Variants in FSHR observed in about 807,000 individuals in gnomAD.
The protein encoded by FSHR is follicle stimulating hormone receptor, also known as follicle-stimulating hormone receptor.
Under a neutral mutation model 52.1 loss-of-function variants are expected in FSHR, and 46 were observed. The ratio of observed to expected loss-of-function variants is 0.88; its 90% CI spans 0.70 to 1.13. The LOEUF is 1.13. Ranked by LOEUF, FSHR falls within the 50% of genes most tolerant of loss-of-function variation. The pLI is 0.00. For synonymous variants in FSHR, 399 were observed against 309.6 expected (o/e 1.29, Z -3.03); for missense variants, 964 against 834.6 (o/e 1.16, Z -1.91).
Position 49,135,270 on chromosome 2 carries a change from G to A in FSHR, c.152+18996C>T, listed in dbSNP as rs1672448343. ...TGAATAGAAATAATACAAAGTATGTGTTCCAACTACAATGAAATGGAATGA... is the reference window on the plus strand; with the variant it reads ...TGAATAGAAATAATACAAAGTATGTATTCCAACTACAATGAAATGGAATGA... On this transcript the variant is annotated intron_variant, in intron 1 of 9. Transcript: ENST00000406846. Among the ~76,000 whole-genome samples the A allele has an allele frequency of 2.0e-5, 3 of 151,906 alleles. No individual in the cohort carries two copies. The South Asian group carries it at 6.2e-4, about 32-fold the overall frequency.
intron 2 of FSHR, among the ~76,000 whole-genome samples, chr2:49,033,842 G>A (rs538722944): frequency 6.6e-6 from 1 of 152,106 alleles, no homozygotes; most frequent in Non-Finnish European, 1.5e-5. Flanking sequence ...CATGAATACA[G>A]GGCACAAAGG....
chr2:49,008,133 C>T (rs533476877), intron 4 of FSHR, among the ~76,000 whole-genome samples: 6 of 143,734 alleles, frequency 4.2e-5, no homozygotes, highest in Admixed American at 2.1e-4. Flanking sequence ...CCCACTAACT[C>T]GTCATCTAGC....
intron 1 of FSHR, among the ~76,000 whole-genome samples, chr2:49,122,329 G>A (rs1448205295): frequency 1.3e-5 from 2 of 152,326 alleles, no homozygotes; most frequent in African/African-American, 4.8e-5. Flanking sequence ...CTAATGCATA[G>A]AGGGGGGATG....
rs772569509 is a variant in FSHR at position 48,983,119 on chromosome 2, T to C, written c.572A>G (p.Asn191Ser). The change falls in exon 7 of 10, where the codon AAT becomes AGT. Residue 191 changes from asparagine (N) to serine (S), a missense_variant. Transcript: ENST00000406846. ...GIQEIHNCAF[N>S]GTQLDELNLS... ...TTACAGCTCATCTAGTTGGGTTCCA[T>C]TGAATGCACAGTTGTGTATTTCTTG... 106 of 1,614,048 alleles carry C rather than the reference T, an allele frequency of 6.6e-5. No individual in the cohort carries two copies. In the South Asian group the frequency reaches 8.7e-4, roughly 13 times the overall value.
intron 1 of FSHR, among the ~76,000 whole-genome samples, chr2:49,087,956 A>G (rs899938607): frequency 2.0e-5 from 3 of 152,222 alleles, no homozygotes; most frequent in Non-Finnish European, 4.4e-5. Flanking sequence ...GGTGGCATTT[A>G]GCACTAGCTG....
At chr2:49,146,741 T>G (rs1192632425) in intron 1 of FSHR, among the ~76,000 whole-genome samples, 1 of 152,062 alleles carries the variant, frequency 6.6e-6, no homozygotes, top group African/African-American at 2.4e-5. Flanking sequence ...CTCAGCGTCA[T>G]TTTACATCAA....
intron 5 of FSHR, 33 bp downstream of exon 5, chr2:48,990,533 A>T (rs751776651): frequency 3.7e-6 from 5 of 1,366,726 alleles, no homozygotes; most frequent in Middle Eastern, 1.8e-4. Context: ...ATACTGAGTA[A>T]AGAGTTGGTA....
chr2:49,031,797 G>C (rs933338431), intron 2 of FSHR, among the ~76,000 whole-genome samples: 1 of 152,154 alleles, frequency 6.6e-6, no homozygotes, highest in Admixed American at 6.5e-5. Context: ...TTGAAATGGG[G>C]ATAATGGTAT....
At chr2:49,057,183 A>C (rs2104316300) in intron 2 of FSHR, among the ~76,000 whole-genome samples, 1 of 152,256 alleles carries the variant, frequency 6.6e-6, no homozygotes, top group South Asian at 2.1e-4. Flanking sequence ...GAAATAAATG[A>C]AATTAACACT....
intron 4 of FSHR, among the ~76,000 whole-genome samples, chr2:49,010,511 C>A (rs938151109): frequency 6.6e-5 from 10 of 151,980 alleles, no homozygotes; most frequent in South Asian, 4.2e-4. Context: ...TGTCTCTGCC[C>A]GGCTTTGGTA....
chr2:49,101,318 G>C (rs1671017866), intron 1 of FSHR, among the ~76,000 whole-genome samples: 1 of 152,162 alleles, frequency 6.6e-6, no homozygotes, highest in South Asian at 2.1e-4. Context: ...GAAAGAGCAA[G>C]TTAGGAGAGT....
At chr2:49,126,240 T>C (rs1050139146) in intron 1 of FSHR, among the ~76,000 whole-genome samples, 1 of 151,940 alleles carries the variant, frequency 6.6e-6, no homozygotes, top group Non-Finnish European at 1.5e-5. Context: ...GTCCCATGTC[T>C]GTCAAGGGCC....
At chr2:49,104,683 G>T (rs1369763629) in intron 1 of FSHR, among the ~76,000 whole-genome samples, 2 of 152,104 alleles carry the variant, frequency 1.3e-5, no homozygotes, top group African/African-American at 2.4e-5. Flanking sequence ...ATGTAAAGAG[G>T]ACCGAAGTTG....
chr2:49,026,679 G>C (rs2104242487), intron 2 of FSHR, among the ~76,000 whole-genome samples: 1 of 152,348 alleles, frequency 6.6e-6, no homozygotes, highest in Admixed American at 6.5e-5. Flanking sequence ...AGAGTCAACA[G>C]AAGTGGAGGA....
chr2:49,071,269 A>G (rs975125297), intron 1 of FSHR, among the ~76,000 whole-genome samples: 16 of 152,194 alleles, frequency 1.1e-4, no homozygotes, highest in African/African-American at 3.1e-4. Context: ...CCAGAAACCT[A>G]TAAATTAAAA....
intron 2 of FSHR, among the ~76,000 whole-genome samples, chr2:49,039,429 C>G (rs1397170084): frequency 6.6e-6 from 1 of 152,214 alleles, no homozygotes; most frequent in Admixed American, 6.5e-5. Flanking sequence ...CTAGACTCAG[C>G]CTTCGTGGAG....
chr2:49,154,280 C>T lies in FSHR; in HGVS notation c.138G>A (p.Arg46=). The T allele has an allele frequency of 1.2e-6, 2 of 1,613,888 alleles. No individual in the cohort carries two copies. Among genetic ancestry groups the T allele is most frequent in the South Asian group, 1.1e-5 (1 of 91,070 alleles). Residue 46 remains arginine (R), a synonymous_variant, in exon 1 of 10, where the codon AGG becomes AGA. Coordinates refer to ENST00000406846, the MANE Select transcript of FSHR (RefSeq NM_000145.4). ...KVTEIPSDLP[R]NAIELRFVLT... is the part of the protein sequence containing the mutation. ...CTGATACTCACAGTTCAATGGCATT[C>T]CTCGGGAGGTCAGAAGGAATCTCTG...
intron 2 of FSHR, among the ~76,000 whole-genome samples, chr2:49,040,874 C>T (rs998821390): frequency 6.6e-6 from 1 of 152,130 alleles, no homozygotes; most frequent in African/African-American, 2.4e-5. Flanking sequence ...CTGACATGGC[C>T]TTAAATCAGG....
intron 1 of FSHR, among the ~76,000 whole-genome samples, chr2:49,138,826 A>G (rs1008725438): frequency 1.3e-5 from 2 of 152,192 alleles, no homozygotes; most frequent in African/African-American, 4.8e-5. Context: ...AAATGAGAAG[A>G]TTGTATTGTA....
Sources: allele counts gnomAD v4.1 joint callset (sites outside exome capture counted in the v4.1 genomes callset), GRCh38; gene constraint gnomAD v4.1.1; transcripts MANE v1.5; gene names NCBI Gene and HGNC (gene_info 2026-07-23, HGNC 2026-07-21).